CCNT1: variants seen among roughly 807,000 people sequenced by gnomAD.
The protein encoded by CCNT1 is cyclin T1.
CCNT1 carries 18 observed loss-of-function variants against 67.3 expected under a neutral mutation model. The observed-to-expected ratio is 0.27, with a 90% CI of 0.18 to 0.40. CCNT1 has a LOEUF of 0.40. CCNT1 is among the 10% of genes least tolerant of loss of function. CCNT1 has a pLI of 1.00. For missense variants in CCNT1, 744 were observed against 884.9 expected (o/e 0.84, Z 2.02); for synonymous variants, 333 against 310.3 (o/e 1.07, Z -0.77).
chr12:48,716,351 C>A (rs1234309945), intron 1 of CCNT1, among the ~76,000 whole-genome samples, 164 bp downstream of exon 1: 1 of 152,232 alleles, frequency 6.6e-6, no homozygotes, highest in Non-Finnish European at 1.5e-5. Context: ...GCTTCCCTAG[C>A]GCTAACTGAG....
intron 1 of CCNT1, among the ~76,000 whole-genome samples, chr12:48,715,295 G>C (rs1207565702): frequency 6.6e-6 from 1 of 152,120 alleles, no homozygotes; most frequent in Non-Finnish European, 1.5e-5. Flanking sequence ...ACACCCTTAA[G>C]ATACACACAT....
intron 2 of CCNT1, among the ~76,000 whole-genome samples, chr12:48,707,833 G>A (rs971395736): frequency 7.3e-5 from 11 of 150,026 alleles, no homozygotes; most frequent in East Asian, 4.0e-4. Context: ...CCGAGGTAGC[G>A]GATCACTTGA....
At chr12:48,710,239 C>T (rs542587826) in intron 2 of CCNT1, among the ~76,000 whole-genome samples, 1 of 152,212 alleles carries the variant, frequency 6.6e-6, no homozygotes, top group South Asian at 2.1e-4. Context: ...TACAAAAATG[C>T]CTGAGGACTT....
chr12:48,695,937 T>G (rs1940161884), intron 7 of CCNT1, 62 bp downstream of exon 7: 1 of 1,583,616 alleles, frequency 6.3e-7, no homozygotes, highest in East Asian at 2.2e-5. Context: ...AAGTCACCTT[T>G]GGCCAGCTAT....
chr12:48,696,702 G>T (rs762624464), intron 6 of CCNT1, among the ~76,000 whole-genome samples: 24 of 152,136 alleles, frequency 1.6e-4, no homozygotes, highest in Non-Finnish European at 2.8e-4. Flanking sequence ...AAATATGTTG[G>T]TTTATTTCAA....
At chr12:48,712,356 C>T (rs190747978) in intron 2 of CCNT1, among the ~76,000 whole-genome samples, 11 of 151,522 alleles carry the variant, frequency 7.3e-5, no homozygotes, top group Admixed American at 7.2e-4. Context: ...TCTCGGCTCA[C>T]CACAACCTCG....
intron 2 of CCNT1, among the ~76,000 whole-genome samples, chr12:48,710,984 C>A (rs1940440919): frequency 6.6e-6 from 1 of 151,814 alleles, no homozygotes; most frequent in African/African-American, 2.4e-5. Flanking sequence ...TTGCTGGAAC[C>A]CAGGAGGCGG....
At chr12:48,697,351 C>A (rs1198876664) in intron 6 of CCNT1, among the ~76,000 whole-genome samples, 2 of 151,514 alleles carry the variant, frequency 1.3e-5, no homozygotes, top group East Asian at 3.9e-4. Flanking sequence ...GAAACCCCAT[C>A]TCTACTGAAA....
chr12:48,707,048 CA>C (rs1263532031), intron 2 of CCNT1, among the ~76,000 whole-genome samples: 2 of 152,078 alleles, frequency 1.3e-5, no homozygotes, highest in Admixed American at 6.6e-5. Flanking sequence ...TCTCCATACA[CA>C]TACGGAAAAA....
At chr12:48,707,366 T>TCAA (rs1480883110) in intron 2 of CCNT1, among the ~76,000 whole-genome samples, 1 of 150,478 alleles carries the variant, frequency 6.6e-6, no homozygotes, top group Non-Finnish European at 1.5e-5. Flanking sequence ...ACAGTTCCAC[T>TCAA]CAACCTCCTG....
At chr12:48,698,066 T>A (rs1297285392) in intron 6 of CCNT1, 72 bp downstream of exon 6, 1 of 932,182 alleles carries the variant, frequency 1.1e-6, no homozygotes, top group Non-Finnish European at 1.6e-6. Flanking sequence ...GAATTATCTA[T>A]AGCACACTGT....
intron 8 of CCNT1, 32 bp from the exon 9 acceptor site, chr12:48,694,468 A>T: frequency 1.3e-6 from 2 of 1,574,068 alleles, no homozygotes; most frequent in South Asian, 2.3e-5. Context: ...CTCTTTACTT[A>T]GGTAATTTAC....
At chr12:48,701,118 T>C (rs372579130) in intron 3 of CCNT1, 45 bp from the exon 4 acceptor site, 153 of 1,124,672 alleles carry the variant, frequency 1.4e-4, no homozygotes, top group African/African-American at 1.7e-4. Context: ...AGGCACAATA[T>C]ATAAAGTATA....
In CCNT1 at chr12:48,689,255, A is replaced by C. The variant is rs1305970437; in HGVS notation, c.*3778T>G. On this transcript the variant is annotated 3_prime_UTR_variant, in exon 9 of 9. Transcript: ENST00000261900. ...TTCCAATGCCAAGTTCATATGAAAAACTTTAGAAACATTAAAATGGAGAAC... is the reference window on the plus strand; with the variant it reads ...TTCCAATGCCAAGTTCATATGAAAACCTTTAGAAACATTAAAATGGAGAAC... 6.6e-6 allele frequency: 1 copy of C among 152,180 alleles called. No homozygotes were observed. Among genetic ancestry groups the C allele is most frequent in the East Asian group, 1.9e-4 (1 of 5,204 alleles). The allele number at this position is 152,180 out of a possible 1,614,324, so 9.4% of individuals were successfully genotyped here.
At position 48,693,720 on chromosome 12, in the gene CCNT1, G is replaced by T; in HGVS notation, c.1494C>A (p.Asp498Glu). Residue 498 changes from aspartate to glutamate, a missense_variant, in exon 9 of 9, where the codon GAC (aspartate) becomes GAA (glutamate). Asp to Glu is a conservative substitution (Grantham distance 45, BLOSUM62 2). Coordinates refer to ENST00000261900, the MANE Select transcript of CCNT1 (RefSeq NM_001240.4). ...AAADKHNSVE[D>E]SVTKSREHKE... ...TGTGCTCTCGGCTCTTTGTAACACT[G>T]TCCTCTACAGAATTGTGCTTATCAG... is the stretch of plus-strand genomic sequence containing the variant. The T allele has an allele frequency of 6.2e-7, 1 of 1,614,098 alleles. No individual in the cohort carries two copies. The highest frequency in any genetic ancestry group is 1.1e-5 in the South Asian group (1 of 91,074).
rs555104712 is a variant in CCNT1 at position 48,711,495 on chromosome 12, G to A, written c.243+2948C>T. ...TTGAGAGTTTCTTTTTTTGATTTGA[G>A]ATTCACTTCACCCCAAATTTCAAGT... On this transcript the variant is annotated intron_variant, in intron 2 of 8. Transcript: ENST00000261900. Among the ~76,000 whole-genome samples, 26 of 152,084 alleles carry A rather than the reference G, an allele frequency of 1.7e-4. No homozygotes were observed. In the East Asian group the frequency reaches 1.7e-3, roughly 10 times the overall value.
chr12:48,709,826 T>C (rs1314821890), intron 2 of CCNT1, among the ~76,000 whole-genome samples: 4 of 152,194 alleles, frequency 2.6e-5, no homozygotes. Context: ...GTTTTCACTT[T>C]CCACATACAT....
chr12:48,714,624 A>T (rs1447899773), intron 1 of CCNT1, 100 bp from the exon 2 acceptor site: 3 of 671,470 alleles, frequency 4.5e-6, no homozygotes, highest in Non-Finnish European at 8.1e-6. Flanking sequence ...AAGCAAGTAG[A>T]TACTACTAAA....
intron 2 of CCNT1, 124 bp downstream of exon 2, chr12:48,714,319 G>C: frequency 1.6e-6 from 1 of 629,642 alleles, no homozygotes; most frequent in South Asian, 1.8e-5. Flanking sequence ...GCACATAATG[G>C]AAGTGATCAA....
Sources: allele counts gnomAD v4.1 joint callset (sites outside exome capture counted in the v4.1 genomes callset), GRCh38; gene constraint gnomAD v4.1.1; transcripts MANE v1.5; gene names NCBI Gene and HGNC (gene_info 2026-07-23, HGNC 2026-07-21).